The following TMEM117 variants were observed in gnomAD, a reference collection of about 807,000 sequenced individuals.
The protein encoded by TMEM117 is transmembrane protein 117.
Under a neutral mutation model 52.4 loss-of-function variants are expected in TMEM117, and 27 were observed. The ratio of observed to expected loss-of-function variants is 0.51; its 90% CI spans 0.38 to 0.71. The LOEUF (loss-of-function observed/expected upper bound fraction) is 0.71. TMEM117 is among the 30% of genes least tolerant of loss of function. The probability of loss-of-function intolerance (pLI) is 0.00; values close to 1 mark genes in which losing one functional copy is unlikely to be tolerated. For missense variants in TMEM117, 556 were observed against 630.5 expected, an observed-to-expected ratio of 0.88 and a Z score of 1.26; for synonymous variants, 215 against 206.3, an observed-to-expected ratio of 1.04 and a Z score of -0.36.
chr12:44,027,204 G>A (rs1380176279), intron 3 of TMEM117, among the ~76,000 whole-genome samples: 1 of 98,742 alleles, frequency 1.0e-5, no homozygotes, highest in Non-Finnish European at 2.0e-5. Context: ...ATTTTAATTA[G>A]AGATGGAGTC....
chr12:43,953,831 C>A (rs188109711), intron 3 of TMEM117, among the ~76,000 whole-genome samples: 19 of 152,276 alleles, frequency 1.2e-4, no homozygotes, highest in East Asian at 9.6e-4. Context: ...ACTCTCCCCC[C>A]CAAAACAACA....
chr12:44,370,329 C>G (rs576432922), intron 6 of TMEM117, among the ~76,000 whole-genome samples: 1 of 152,164 alleles, frequency 6.6e-6, no homozygotes, highest in South Asian at 2.1e-4. Flanking sequence ...TTGTTTCACT[C>G]TCTGTATAAT....
At chr12:43,823,520 T>G in the TMEM117 span, among the ~76,000 whole-genome samples, 1 of 152,168 alleles carries the variant, frequency 6.6e-6, no homozygotes, top group Non-Finnish European at 1.5e-5. Flanking sequence ...TTTATTTATT[T>G]ATTTTTTTGA....
At chr12:43,893,601 T>C (rs748223188) in intron 2 of TMEM117, among the ~76,000 whole-genome samples, 82 of 152,188 alleles carry the variant, frequency 5.4e-4, no homozygotes, top group Non-Finnish European at 9.8e-4. Flanking sequence ...CAATTCTCTT[T>C]GTGAAAAATC....
intron 2 of TMEM117, among the ~76,000 whole-genome samples, chr12:43,868,112 A>ACG (rs968453770): frequency 2.0e-5 from 3 of 151,778 alleles, no homozygotes; most frequent in African/African-American, 7.3e-5. Flanking sequence ...ACACACACAC[A>ACG]GACACACACT....
At chr12:44,258,971 A>G (rs1231306015) in intron 5 of TMEM117, among the ~76,000 whole-genome samples, 2 of 152,192 alleles carry the variant, frequency 1.3e-5, no homozygotes, top group Non-Finnish European at 2.9e-5. Flanking sequence ...AATATAAAAT[A>G]TCAAATTCAT....
At chr12:44,370,251 A>G (rs1017135935) in intron 6 of TMEM117, among the ~76,000 whole-genome samples, 1 of 152,170 alleles carries the variant, frequency 6.6e-6, no homozygotes, top group Non-Finnish European at 1.5e-5. Flanking sequence ...CACAATATTT[A>G]CAATGACTTC....
intron 5 of TMEM117, among the ~76,000 whole-genome samples, chr12:44,286,397 AAT>A (rs1055455764): frequency 1.1e-4 from 16 of 151,846 alleles, no homozygotes; most frequent in Non-Finnish European, 2.1e-4. Flanking sequence ...AAAATCGTCA[AAT>A]TTTGGCAATC....
intron 2 of TMEM117, among the ~76,000 whole-genome samples, chr12:43,900,681 G>A (rs1391014251): frequency 1.3e-5 from 2 of 149,922 alleles, no homozygotes; most frequent in Non-Finnish European, 2.9e-5. Context: ...TCGCGCCACT[G>A]TACTCCAGCC....
chr12:44,022,052 A>G (rs1946464108), intron 3 of TMEM117, among the ~76,000 whole-genome samples: 1 of 152,234 alleles, frequency 6.6e-6, no homozygotes. Context: ...AAGAAAATAA[A>G]TCTACATGAA....
intron 3 of TMEM117, among the ~76,000 whole-genome samples, chr12:44,090,756 G>A (rs1461065863): frequency 6.6e-6 from 1 of 150,958 alleles, no homozygotes; most frequent in East Asian, 2.0e-4. Flanking sequence ...ACCTTTTAAA[G>A]ACAAGAAAAA....
chr12:43,918,441 G>A (rs1387847736), intron 2 of TMEM117, among the ~76,000 whole-genome samples: 1 of 152,052 alleles, frequency 6.6e-6, no homozygotes, highest in East Asian at 1.9e-4. Flanking sequence ...AGTTTACAAA[G>A]GTTAACAACC....
chr12:43,912,998 G>T (rs949348804), intron 2 of TMEM117, among the ~76,000 whole-genome samples: 5 of 152,156 alleles, frequency 3.3e-5, no homozygotes, highest in Admixed American at 1.3e-4. Context: ...AATATTTTGA[G>T]CATCTGGAAC....
chr12:44,393,222 T>G (rs1054896478), downstream of TMEM117, among the ~76,000 whole-genome samples: 4 of 152,140 alleles, frequency 2.6e-5, no homozygotes, highest in African/African-American at 9.7e-5. Context: ...AAGGTCTAAA[T>G]TCCTTAATAC....
Position 44,247,561 on chromosome 12 carries a change from CTT to C in TMEM117, c.608+36176_608+36177del, listed in dbSNP as rs528657029. Among the ~76,000 whole-genome samples the C allele has an allele frequency of 4.8e-3, 726 of 152,234 alleles. 4 individuals are homozygous for C. Among genetic ancestry groups the C allele is most frequent in the African/African-American group, 0.016 (661 of 41,548 alleles). ...ATATCCATCACTTTAAACATTTATC[CTT>C]TCTTTGTGGTGACAACATTCAAAAT... On this transcript the variant is annotated intron_variant, in intron 5 of 7. Transcript: ENST00000266534.
At chr12:44,027,671 G>A (rs574420428) in intron 3 of TMEM117, among the ~76,000 whole-genome samples, 14 of 152,216 alleles carry the variant, frequency 9.2e-5, no homozygotes, top group Non-Finnish European at 1.5e-4. Context: ...AGATGGTCAC[G>A]TTTAAATCAT....
rs974641325 is a variant in TMEM117, at chr12:43,868,545, C to T, written c.277+23617C>T. Among the ~76,000 whole-genome samples the T allele has an allele frequency of 6.7e-5, 10 of 150,266 alleles. No individual in the cohort carries two copies. In the South Asian group the frequency reaches 1.7e-3, roughly 25 times the overall value. ...CCAGCCTGGCGACAGAGTGAGACAC[C>T]GTCTCAAAATAAACAACCCCACCCC... On this transcript the variant is annotated intron_variant, in intron 2 of 7. Coordinates refer to ENST00000266534, the MANE Select transcript of TMEM117 (RefSeq NM_032256.3).
intron 3 of TMEM117, among the ~76,000 whole-genome samples, chr12:44,074,622 G>C (rs1318790755): frequency 1.3e-5 from 2 of 152,066 alleles, no homozygotes; most frequent in African/African-American, 2.4e-5. Context: ...GATGAATGAG[G>C]CTTTAATTCT....
chr12:44,088,485 A>T (rs933575421), intron 3 of TMEM117, among the ~76,000 whole-genome samples: 2 of 152,202 alleles, frequency 1.3e-5, no homozygotes, highest in East Asian at 1.9e-4. Flanking sequence ...ATTTCCTCTT[A>T]AAAAATTTCC....
Sources: allele counts gnomAD v4.1 joint callset (sites outside exome capture counted in the v4.1 genomes callset), GRCh38; gene constraint gnomAD v4.1.1; transcripts MANE v1.5; gene names NCBI Gene and HGNC (gene_info 2026-07-23, HGNC 2026-07-21).